The following CTNNA2 variants were observed in gnomAD, a reference collection of about 807,000 sequenced individuals.
The protein encoded by CTNNA2 is catenin alpha 2.
A neutral mutation model predicts 101.0 loss-of-function variants in CTNNA2; 42 were observed. The ratio of observed to expected loss-of-function variants is 0.42; its 90% CI spans 0.32 to 0.54. The LOEUF (loss-of-function observed/expected upper bound fraction) is 0.54. Ranked by LOEUF, CTNNA2 falls within the 20% of genes least tolerant of loss-of-function variation. The probability of loss-of-function intolerance (pLI) is 0.14; values close to 1 mark genes in which losing one functional copy is unlikely to be tolerated. For missense variants in CTNNA2, 871 were observed against 1,223.1 expected (o/e 0.71, Z 4.29); for synonymous variants, 450 against 456.4 (o/e 0.99, Z 0.18).
At chr2:79,643,629 C>T (rs10189345) in intron 1 of CTNNA2, among the ~76,000 whole-genome samples, 76,885 of 151,850 alleles carry the variant, frequency 0.51, 19,639 homozygotes, top group East Asian at 0.71. Context: ...ATTGTATTAC[C>T]ACTTAGTTTT....
At chr2:80,366,390 A>G (rs1347526638) in intron 7 of CTNNA2, among the ~76,000 whole-genome samples, 1 of 152,090 alleles carries the variant, frequency 6.6e-6, no homozygotes, top group Non-Finnish European at 1.5e-5. Flanking sequence ...TTCTTTTCTT[A>G]AAGGTGCACT....
At chr2:79,203,919 C>A (rs1379507000) in intron 2 of CTNNA2, among the ~76,000 whole-genome samples, 1 of 152,146 alleles carries the variant, frequency 6.6e-6, no homozygotes, top group Non-Finnish European at 1.5e-5. Flanking sequence ...CCATGGTCAC[C>A]TGAGGTAGAA....
At chr2:80,131,370 T>C (rs1393990002) in intron 7 of CTNNA2, among the ~76,000 whole-genome samples, 2 of 152,126 alleles carry the variant, frequency 1.3e-5, no homozygotes, top group Non-Finnish European at 2.9e-5. Context: ...ATGTAAGACA[T>C]TATCATTGAG....
At chr2:80,378,368 AAAT>A (rs1676175490) in intron 7 of CTNNA2, among the ~76,000 whole-genome samples, 1 of 99,258 alleles carries the variant, frequency 1.0e-5, no homozygotes, top group South Asian at 3.1e-4. Flanking sequence ...AAAAATAAAT[AAAT>A]AAATAAATAA....
chr2:80,360,167 A>C (rs919744881), intron 7 of CTNNA2, among the ~76,000 whole-genome samples: 4 of 152,130 alleles, frequency 2.6e-5, no homozygotes, highest in Non-Finnish European at 5.9e-5. Flanking sequence ...GTGAAACAAA[A>C]TATTTAAACT....
At chr2:80,312,925 C>A (rs1677733918) in intron 7 of CTNNA2, among the ~76,000 whole-genome samples, 1 of 152,312 alleles carries the variant, frequency 6.6e-6, no homozygotes, top group Non-Finnish European at 1.5e-5. Flanking sequence ...AATATGTTTT[C>A]TCTTCTCTTA....
At chr2:80,062,431 G>C (rs752516867) in intron 7 of CTNNA2, among the ~76,000 whole-genome samples, 3 of 152,056 alleles carry the variant, frequency 2.0e-5, no homozygotes, top group Non-Finnish European at 4.4e-5. Flanking sequence ...TTTGCCCTGT[G>C]TTTGGCTTCT....
chr2:79,460,565 A>T (rs1456668541), intron 4 of CTNNA2, among the ~76,000 whole-genome samples: 4 of 152,196 alleles, frequency 2.6e-5, no homozygotes, highest in African/African-American at 7.2e-5. Context: ...CACCCGAATT[A>T]TTACTTCCTA....
intron 2 of CTNNA2, among the ~76,000 whole-genome samples, chr2:79,733,776 A>G (rs1687347778): frequency 6.6e-6 from 1 of 152,100 alleles, no homozygotes; most frequent in Non-Finnish European, 1.5e-5. Flanking sequence ...GCATCTCACC[A>G]TCGACTACTC....
chr2:80,146,710 GTTTTTTTTTTTTTTTTT>G (rs34019123), intron 7 of CTNNA2, among the ~76,000 whole-genome samples: 7 of 61,744 alleles, frequency 1.1e-4, no homozygotes, highest in South Asian at 6.9e-4. Context: ...GTCCCCTCTG[GTTTTTTTTTTTTTTTTT>G]TTTTTTTTTT....
intron 1 of CTNNA2, among the ~76,000 whole-genome samples, chr2:79,557,435 A>G (rs369413364): frequency 3.7e-4 from 57 of 152,006 alleles, no homozygotes; most frequent in African/African-American, 1.3e-3. Flanking sequence ...CCCATTTGAA[A>G]ATTAAATGTA....
intron 9 of CTNNA2, among the ~76,000 whole-genome samples, chr2:80,466,521 C>T (rs1684865833): frequency 6.6e-6 from 1 of 152,006 alleles, no homozygotes; most frequent in Admixed American, 6.5e-5. Context: ...ACTAGAGGAG[C>T]CTCTTAATAA....
intron 1 of CTNNA2, among the ~76,000 whole-genome samples, chr2:79,642,386 A>G (rs1249103140): frequency 1.3e-5 from 2 of 152,204 alleles, no homozygotes; most frequent in African/African-American, 2.4e-5. Flanking sequence ...TATCACTGCA[A>G]TTTTGAATAA....
intron 18 of CTNNA2, among the ~76,000 whole-genome samples, chr2:80,646,983 C>T (rs1030581719): frequency 1.3e-5 from 2 of 152,032 alleles, no homozygotes; most frequent in African/African-American, 4.8e-5. Context: ...ATAGTAAATA[C>T]TGAATATTTC....
chr2:79,958,639 G>T (rs1689410267), intron 7 of CTNNA2, among the ~76,000 whole-genome samples: 1 of 152,182 alleles, frequency 6.6e-6, no homozygotes, highest in Non-Finnish European at 1.5e-5. Flanking sequence ...TTTTAGTCCA[G>T]TGAGACCCAT....
At chr2:79,955,561 C>T (rs551969834) in intron 7 of CTNNA2, among the ~76,000 whole-genome samples, 89 of 152,236 alleles carry the variant, frequency 5.8e-4, no homozygotes, top group Non-Finnish European at 1.1e-3. Context: ...TCTGGAGTTC[C>T]CCAGGTGACA....
At chr2:80,140,412 G>A (rs1296042293) in intron 7 of CTNNA2, among the ~76,000 whole-genome samples, 1 of 152,178 alleles carries the variant, frequency 6.6e-6, no homozygotes, top group Non-Finnish European at 1.5e-5. Context: ...CAGCCCAGCT[G>A]TGAAGCATAA....
chr2:80,366,676 C>T (rs1316769065), intron 7 of CTNNA2, among the ~76,000 whole-genome samples: 1 of 152,140 alleles, frequency 6.6e-6, no homozygotes, highest in Admixed American at 6.6e-5. Flanking sequence ...CCTCTCCCTT[C>T]TTCCTCCGCT....
At chr2:80,472,119 C>CA (rs35151279) in intron 9 of CTNNA2, among the ~76,000 whole-genome samples, 62,263 of 142,008 alleles carry the variant, frequency 0.44, 15,003 homozygotes, top group East Asian at 0.67. Context: ...GACTCCATCT[C>CA]AAAAAAAAAA....
Sources: allele counts gnomAD v4.1 joint callset (sites outside exome capture counted in the v4.1 genomes callset), GRCh38; gene constraint gnomAD v4.1.1; transcripts MANE v1.5; gene names NCBI Gene and HGNC (gene_info 2026-07-23, HGNC 2026-07-21).